Variants in CEP112 observed in about 807,000 individuals in gnomAD.
CEP112 encodes the protein centrosomal protein 112, also known as centrosomal protein of 112 kDa.
Under a neutral mutation model 153.0 loss-of-function variants are expected in CEP112, and 127 were observed. That is an observed-to-expected ratio of 0.83 (90% CI 0.72 to 0.96). The LOEUF (loss-of-function observed/expected upper bound fraction) is 0.96. Ranked by LOEUF, CEP112 falls within the 40% of genes least tolerant of loss-of-function variation. The pLI is 0.00. For missense variants in CEP112, 1,089 were observed against 1,101.2 expected, an observed-to-expected ratio of 0.99 and a Z score of 0.16; for synonymous variants, 358 against 374.4, an observed-to-expected ratio of 0.96 and a Z score of 0.51.
intron 21 of CEP112, among the ~76,000 whole-genome samples, chr17:65,761,185 G>T (rs1312876588): frequency 6.6e-6 from 1 of 151,720 alleles, no homozygotes; most frequent in African/African-American, 2.4e-5. Context: ...TCTTTTCAAA[G>T]AACCAGCTTT....
intron 20 of CEP112, among the ~76,000 whole-genome samples, chr17:65,901,005 T>C (rs1401426623): frequency 6.6e-6 from 1 of 152,220 alleles, no homozygotes; most frequent in African/African-American, 2.4e-5. Flanking sequence ...TCTCTGAATA[T>C]AGAAGACAAC....
At chr17:65,903,833 C>G (rs1210794547) in intron 19 of CEP112, among the ~76,000 whole-genome samples, 1 of 150,896 alleles carries the variant, frequency 6.6e-6, no homozygotes, top group Non-Finnish European at 1.5e-5. Flanking sequence ...AAACGTAATA[C>G]ATCACATAAA....
At chr17:65,858,687 T>C (rs2058204746) in intron 20 of CEP112, among the ~76,000 whole-genome samples, 1 of 152,224 alleles carries the variant, frequency 6.6e-6, no homozygotes, top group Non-Finnish European at 1.5e-5. Flanking sequence ...GTTGCCTACT[T>C]CATTAACAAT....
At chr17:66,029,634 T>C (rs11079633) in intron 13 of CEP112, among the ~76,000 whole-genome samples, 62,429 of 151,648 alleles carry the variant, frequency 0.41, 14,307 homozygotes, top group East Asian at 0.87. Context: ...AGCCCAGGAG[T>C]TTGAGATACA....
At chr17:66,000,337 TTTTTTGC>T (rs1170912538) in intron 17 of CEP112, among the ~76,000 whole-genome samples, 19 of 109,952 alleles carry the variant, frequency 1.7e-4, no homozygotes, top group Admixed American at 5.5e-4. Flanking sequence ...GCTTTTTTGC[TTTTTTGC>T]TTTTTTTTTT....
At chr17:66,044,533 C>A (rs758036232) in intron 12 of CEP112, among the ~76,000 whole-genome samples, 1 of 152,058 alleles carries the variant, frequency 6.6e-6, no homozygotes, top group Non-Finnish European at 1.5e-5. Context: ...TATTATTTAG[C>A]CTTTAAAAAG....
chr17:65,984,205 T>C (rs1053825001), intron 17 of CEP112, among the ~76,000 whole-genome samples: 2 of 152,198 alleles, frequency 1.3e-5, no homozygotes, highest in Non-Finnish European at 2.9e-5. Flanking sequence ...CTGCTTATTA[T>C]TGATTTCTAA....
At chr17:65,975,342 G>A (rs946974913) in intron 17 of CEP112, among the ~76,000 whole-genome samples, 1 of 152,164 alleles carries the variant, frequency 6.6e-6, no homozygotes, top group Non-Finnish European at 1.5e-5. Flanking sequence ...GAATTAGTGT[G>A]AGTTCATACT....
intron 23 of CEP112, among the ~76,000 whole-genome samples, chr17:65,696,590 C>T (rs935919889): frequency 3.9e-5 from 6 of 152,050 alleles, no homozygotes; most frequent in Admixed American, 6.6e-5. Flanking sequence ...CTGGGTGAAA[C>T]GCAGAAAGGG....
intron 21 of CEP112, among the ~76,000 whole-genome samples, chr17:65,815,533 C>T (rs1353426309): frequency 1.3e-5 from 2 of 152,030 alleles, no homozygotes; most frequent in Admixed American, 6.6e-5. Context: ...TTGTCAAATT[C>T]AACAAGAAAA....
At chr17:65,938,591 C>G (rs371448700) in intron 18 of CEP112, among the ~76,000 whole-genome samples, 2 of 151,966 alleles carry the variant, frequency 1.3e-5, no homozygotes, top group African/African-American at 4.8e-5. Flanking sequence ...GAAGTCCTAG[C>G]CAGAGTAATT....
At chr17:65,866,376 G>C (rs2058486307) in intron 20 of CEP112, among the ~76,000 whole-genome samples, 1 of 152,238 alleles carries the variant, frequency 6.6e-6, no homozygotes, top group African/African-American at 2.4e-5. Flanking sequence ...GGGGCTGAGG[G>C]CAGCTTGGCA....
chr17:65,696,399 C>T (rs2144515703), intron 23 of CEP112, among the ~76,000 whole-genome samples: 1 of 152,178 alleles, frequency 6.6e-6, no homozygotes, highest in East Asian at 1.9e-4. Context: ...GAAGTGGGAA[C>T]CTTGAATGCT....
chr17:65,795,365 G>A (rs8079658), intron 21 of CEP112, among the ~76,000 whole-genome samples: 33,133 of 152,116 alleles, frequency 0.22, 3,737 homozygotes, highest in South Asian at 0.26. Flanking sequence ...TACAGGAGAG[G>A]TATTACCCCA....
In CEP112 at chr17:65,851,946, A is replaced by C; in HGVS notation, c.2252T>G (p.Leu751Arg). 6.2e-7 allele frequency: 1 copy of C among 1,614,120 alleles called. No individual in the cohort carries two copies. The change falls in exon 21 of 27, where the codon CTT (leucine) becomes CGT (arginine). Residue 751 changes from leucine (L) to arginine (R), a missense_variant. Physicochemically the swap from Leu to Arg is moderately radical, Grantham distance 102 (BLOSUM62 -2). Coordinates refer to ENST00000535342, the MANE Select transcript of CEP112 (RefSeq NM_001199165.4). ...NSQRKQQLVE[L>R]GLLREEEKQR... ...CTTTTCCTCTTCACGAAGAAGACCA[A>C]GCTCTACCAGCTGCTGTTTCCGCTG...
chr17:66,172,206 A>G (rs1458503088), intron 4 of CEP112, among the ~76,000 whole-genome samples: 1 of 152,232 alleles, frequency 6.6e-6, no homozygotes, highest in Non-Finnish European at 1.5e-5. Flanking sequence ...CTGGAAATAT[A>G]GCAAATACAG....
intron 6 of CEP112, among the ~76,000 whole-genome samples, chr17:66,106,912 G>T (rs1758534591): frequency 6.6e-6 from 1 of 151,876 alleles, no homozygotes; most frequent in Admixed American, 6.6e-5. Flanking sequence ...CTAGTATACT[G>T]AATTCAACAA....
intron 8 of CEP112, among the ~76,000 whole-genome samples, chr17:66,088,080 A>G (rs775845926): frequency 1.3e-5 from 2 of 151,468 alleles, no homozygotes; most frequent in Non-Finnish European, 2.9e-5. Context: ...ACAGCATCCA[A>G]ACTAACCCTA....
chr17:65,719,171 G>A (rs1201955351), intron 23 of CEP112, among the ~76,000 whole-genome samples: 1 of 152,218 alleles, frequency 6.6e-6, no homozygotes, highest in Non-Finnish European at 1.5e-5. Flanking sequence ...GCTGTGAACA[G>A]CCCTGTTCTT....
Sources: allele counts gnomAD v4.1 joint callset (sites outside exome capture counted in the v4.1 genomes callset), GRCh38; gene constraint gnomAD v4.1.1; transcripts MANE v1.5; gene names NCBI Gene and HGNC (gene_info 2026-07-23, HGNC 2026-07-21).